CEP295NL: variants seen among roughly 807,000 people sequenced by gnomAD.
The protein encoded by CEP295NL is CEP295 N-terminal like.
In CEP295NL, 3 loss-of-function variants were observed where a neutral mutation model predicts 4.6. The observed-to-expected ratio is 0.65, with a 90% CI of 0.30 to 1.69. The LOEUF (loss-of-function observed/expected upper bound fraction) is 1.69, where lower values mean the gene tolerates loss of function less well. Among genes scored for constraint, CEP295NL ranks in the 40% most tolerant of loss-of-function variants. The pLI is 0.10. For synonymous variants in CEP295NL, 295 were observed against 312.2 expected, an observed-to-expected ratio of 0.94 and a Z score of 0.58; for missense variants, 719 against 769.0, an observed-to-expected ratio of 0.93 and a Z score of 0.77.
intron 1 of CEP295NL, 53 bp from the exon 2 acceptor site, chr17:78,901,979 A>C (rs1599170294): frequency 1.7e-6 from 1 of 583,466 alleles, no homozygotes; most frequent in Non-Finnish European, 3.1e-6. Flanking sequence ...AACATTTTTA[A>C]CTCCGTTTCT....
intron 2 of CEP295NL, among the ~76,000 whole-genome samples, chr17:78,895,589 G>C (rs2069986904): frequency 1.3e-5 from 2 of 152,202 alleles, no homozygotes; most frequent in African/African-American, 2.4e-5. Flanking sequence ...CTTAAAAAGG[G>C]AAACACAGAC....
At chr17:78,892,606 G>T in intron 2 of CEP295NL, 147 bp from the exon 3 acceptor site, 1 of 1,275,914 alleles carries the variant, frequency 7.8e-7, no homozygotes, top group Non-Finnish European at 1.1e-6. Flanking sequence ...GCCCACCAGG[G>T]CCCACTCTCA....
rs2069996608 is a variant in CEP295NL at position 78,896,172 on chromosome 17, T to C, written c.45-3713A>G. On this transcript the variant is annotated intron_variant, in intron 2 of 2. Coordinates refer to ENST00000322630, the MANE Select transcript of CEP295NL (RefSeq NM_001243540.2). The surrounding 1 kb of genome is among the most constrained non-coding windows in gnomAD (Gnocchi z 4.4). ...TCCCCGCTACCCCAGCTCTCCTTGCTCTCCCCTCTGAGACCCTCCCCACTT... is the reference window on the plus strand; with the variant it reads ...TCCCCGCTACCCCAGCTCTCCTTGCCCTCCCCTCTGAGACCCTCCCCACTT... Among the ~76,000 whole-genome samples the C allele has an allele frequency of 6.6e-6, 1 of 152,192 alleles. No homozygotes were observed. Among genetic ancestry groups the C allele is most frequent in the Admixed American group, 6.5e-5 (1 of 15,286 alleles).
chr17:78,901,837 G>C lies in CEP295NL; in HGVS notation c.-9C>G. 1 of 709,346 alleles carries C rather than the reference G, an allele frequency of 1.4e-6. No homozygotes were observed. Among genetic ancestry groups the C allele is most frequent in the Non-Finnish European group, 2.6e-6 (1 of 380,150 alleles). The allele number at this position is 709,346 out of a possible 1,614,324, so 43.9% of individuals were successfully genotyped here. A position where few individuals can be genotyped will look rare whatever the true frequency, so the allele number is the denominator to read the frequency against. ...GACCACCCAGAACACATTACAGGGA[G>C]GCAGAAGCTGACAGGAGGGCAGGAA... is the stretch of plus-strand genomic sequence containing the variant. On this transcript the variant is annotated 5_prime_UTR_variant, in exon 2 of 3. Transcript: ENST00000322630.
At chr17:78,895,565 C>T (rs2145776499) in intron 2 of CEP295NL, among the ~76,000 whole-genome samples, 1 of 152,316 alleles carries the variant, frequency 6.6e-6, no homozygotes, top group South Asian at 2.1e-4. Flanking sequence ...CTTTGGAAAA[C>T]AGTCTGGCAG....
rs542683740 is a variant in CEP295NL, at chr17:78,893,200, GATGTGTGTGCATGT to G, written c.45-755_45-742del. ...ATGTGTGTGCAGGGGTGTGTGCAAG[GATGTGTGTGCATGT>G]GTGTGCAGGGGTGTGTGTGCATGTG... On this transcript the variant is annotated intron_variant, in intron 2 of 2. Transcript: ENST00000322630. Among the ~76,000 whole-genome samples the G allele has an allele frequency of 5.9e-3, 781 of 131,956 alleles. 6 individuals are homozygous for G. Among genetic ancestry groups the G allele is most frequent in the African/African-American group, 0.021 (720 of 33,900 alleles). The allele number at this position is 131,956 out of a possible 152,430, so 86.6% of individuals were successfully genotyped here.
At chr17:78,900,128 C>G (rs1004606047) in intron 2 of CEP295NL, 25 of 152,294 alleles carry the variant, frequency 1.6e-4, no homozygotes, top group African/African-American at 5.8e-4. Flanking sequence ...ACAGAGGTCC[C>G]ATAAACTAAG....
intron 2 of CEP295NL, among the ~76,000 whole-genome samples, chr17:78,895,139 G>A (rs2069978755): frequency 6.6e-6 from 1 of 152,052 alleles, no homozygotes; most frequent in South Asian, 2.1e-4. Flanking sequence ...AAATTAGCCG[G>A]GTGTGGTGGT....
Position 78,891,580 on chromosome 17 carries a change from G to T in CEP295NL, c.924C>A (p.Leu308=), listed in dbSNP as rs146557082. 1,406 of 1,550,818 alleles carry T rather than the reference G, an allele frequency of 9.1e-4. 13 individuals carry two copies. In the African/African-American group the frequency reaches 0.016, roughly 17 times the overall value. Reference sequence around the variant, plus strand: ...TGGAATCAGCTGGCCACAGCTGCCCGAGGTCTCTCAGCTTCCCCTCCAGAC... The same window carrying T: ...TGGAATCAGCTGGCCACAGCTGCCCTAGGTCTCTCAGCTTCCCCTCCAGAC... The part of the protein sequence containing the change: ...GQSLEGKLRD[L]GQLWPADSSC... The change falls in exon 3 of 3, where the codon CTC becomes CTA. Residue 308 remains leucine (L), a synonymous_variant. Transcript: ENST00000322630. This position sits in a 1 kb window ranked among gnomAD's most constrained non-coding sequence, Gnocchi z 4.5.
At chr17:78,898,330 G>A (rs1371444898) in intron 2 of CEP295NL, 1 of 152,202 alleles carries the variant, frequency 6.6e-6, no homozygotes, top group African/African-American at 2.4e-5. Context: ...GGGATTCCGG[G>A]CCGAGCAGGC....
chr17:78,890,792 G>T lies in CEP295NL; in HGVS notation c.1712C>A (p.Thr571Asn). Residue 571 changes from threonine to asparagine, a missense_variant, in exon 3 of 3, where the codon ACC (threonine) becomes AAC (asparagine). By Grantham distance (65) the Thr-to-Asn change is moderately conservative (BLOSUM62 0). Coordinates refer to ENST00000322630, the MANE Select transcript of CEP295NL (RefSeq NM_001243540.2). ...GAGGCTGGTGCCCGATGGGGAAGTG[G>T]TGCTGAGCTCAGATCCTCTCTCCCT... is the stretch of plus-strand genomic sequence containing the variant. ...QERERGSELSTTSPSGTSLAD... is the reference protein window; with the variant it reads ...QERERGSELSNTSPSGTSLAD... 6.4e-7 allele frequency: 1 copy of T among 1,550,624 alleles called. No individual in the cohort carries two copies. Among genetic ancestry groups the T allele is most frequent in the Non-Finnish European group, 8.7e-7 (1 of 1,147,006 alleles).
intron 1 of CEP295NL, among the ~76,000 whole-genome samples, 177 bp from the exon 2 acceptor site, chr17:78,902,103 G>A (rs942366793): frequency 2.6e-5 from 4 of 152,262 alleles, no homozygotes; most frequent in Non-Finnish European, 5.9e-5. Context: ...GCGGGGGGAC[G>A]GGGGTCCCAA....
chr17:78,890,727 G>T lies in CEP295NL; in HGVS notation c.1777C>A (p.Gln593Lys), dbSNP rs1307162231. 3 of 1,550,542 alleles carry T rather than the reference G, an allele frequency of 1.9e-6. No homozygotes were observed. The highest frequency in any genetic ancestry group is 2.6e-6 in the Non-Finnish European group (3 of 1,147,014). ...CTGTTTTGCTGTAAGATCTGCTGCTGCTGGTCTCGGATCATCTGACTGTGC... is the reference window on the plus strand; with the variant it reads ...CTGTTTTGCTGTAAGATCTGCTGCTTCTGGTCTCGGATCATCTGACTGTGC... ...DRHSQMIRDQQQQILQQNRLH... is the reference protein window; with the variant it reads ...DRHSQMIRDQKQQILQQNRLH... The change falls in exon 3 of 3, where the codon CAG (glutamine) becomes AAG (lysine). Residue 593 changes from glutamine to lysine, a missense_variant. Coordinates refer to ENST00000322630, the MANE Select transcript of CEP295NL (RefSeq NM_001243540.2).
Position 78,894,661 on chromosome 17 carries a change from A to C in CEP295NL, c.45-2202T>G, listed in dbSNP as rs757454432. ...ACCCTATATACAAAAATTAACTCAC[A>C]ATGGATCATAGACCTTCATCTACAA... is the stretch of plus-strand genomic sequence containing the variant. On this transcript the variant is annotated intron_variant, in intron 2 of 2. Transcript: ENST00000322630. Among the ~76,000 whole-genome samples, 32 of 152,296 alleles carry C rather than the reference A, an allele frequency of 2.1e-4. No individual in the cohort carries two copies. The Middle Eastern group carries it at 0.014, about 65-fold the overall frequency.
At chr17:78,895,059 T>A (rs891182099) in intron 2 of CEP295NL, among the ~76,000 whole-genome samples, 2 of 152,016 alleles carry the variant, frequency 1.3e-5, no homozygotes, top group Non-Finnish European at 2.9e-5. Flanking sequence ...GGCGGGCGGA[T>A]CACTTGAGGT....
chr17:78,892,023 C>G lies in CEP295NL; in HGVS notation c.481G>C (p.Ala161Pro), dbSNP rs368596724. ...TTCTCCTTGGCCCTCGGGGGCCTGG[C>G]TGATCTTCGCTGGATGGGCCCCTGC... ...DSQGPIQRRS[A>P]RPPRAKEKHR... Residue 161 changes from alanine to proline, a missense_variant, in exon 3 of 3, where the codon GCC becomes CCC. Ala to Pro is a conservative substitution (Grantham distance 27, BLOSUM62 -1). Transcript: ENST00000322630. 14 of 1,550,596 alleles carry G rather than the reference C, an allele frequency of 9.0e-6. No homozygotes were observed. The South Asian group carries it at 9.5e-5, about 11-fold the overall frequency.
At chr17:78,901,984 G>A (rs532434486) in intron 1 of CEP295NL, 58 bp from the exon 2 acceptor site, 162 of 587,582 alleles carry the variant, frequency 2.8e-4, no homozygotes, top group Non-Finnish European at 4.4e-4. Flanking sequence ...TTTTAACTCC[G>A]TTTCTCTGAG....
chr17:78,891,684 C>T lies in CEP295NL; in HGVS notation c.820G>A (p.Ala274Thr). The T allele has an allele frequency of 6.4e-7, 1 of 1,551,132 alleles. No individual in the cohort carries two copies. Among genetic ancestry groups the T allele is most frequent in the Non-Finnish European group, 8.7e-7 (1 of 1,147,126 alleles). Reference protein sequence around the residue: ...GLVEEKEKGTARAGRRQLGKG... With the variant: ...GLVEEKEKGTTRAGRRQLGKG... ...CCCAGTTGCCTCCTCCCCGCCCGAG[C>T]TGTTCCTTTCTCTTTTTCCTCCACA... The change falls in exon 3 of 3, where the codon GCT (alanine) becomes ACT (threonine). Residue 274 changes from alanine (A) to threonine (T), a missense_variant. By Grantham distance (58) the Ala-to-Thr change is moderately conservative. Transcript: ENST00000322630. The surrounding 1 kb of genome is among the most constrained non-coding windows in gnomAD (Gnocchi z 4.5).
At chr17:78,893,360 CAGGGGTGT>C (rs1320167124) in intron 2 of CEP295NL, among the ~76,000 whole-genome samples, 155 of 105,156 alleles carry the variant, frequency 1.5e-3, no homozygotes, top group Middle Eastern at 8.6e-3. Flanking sequence ...GGTGTGTGTG[CAGGGGTGT>C]GTAGGAGTGT....
Sources: allele counts gnomAD v4.1 joint callset (sites outside exome capture counted in the v4.1 genomes callset), GRCh38; gene constraint gnomAD v4.1.1; non-coding constraint Gnocchi (gnomAD v3.1); transcripts MANE v1.5; gene names NCBI Gene and HGNC (gene_info 2026-07-23, HGNC 2026-07-21).